CCDC148: variants seen among roughly 807,000 people sequenced by gnomAD.
CCDC148 encodes the protein coiled-coil domain-containing protein 148.
CCDC148 carries 89 observed loss-of-function variants against 85.7 expected under a neutral mutation model. The ratio of observed to expected loss-of-function variants is 1.04; its 90% CI spans 0.87 to 1.24. CCDC148 has a LOEUF of 1.24. CCDC148 is among the 50% of genes most tolerant of loss of function. The pLI, the probability that CCDC148 is intolerant of heterozygous loss-of-function variation, is 0.00. For synonymous variants in CCDC148, 230 were observed against 213.9 expected, an observed-to-expected ratio of 1.08 and a Z score of -0.66; for missense variants, 692 against 671.7, an observed-to-expected ratio of 1.03 and a Z score of -0.33.
At chr2:158,278,701 CACAG>C (rs1690094234) in intron 9 of CCDC148, among the ~76,000 whole-genome samples, 1 of 152,258 alleles carries the variant, frequency 6.6e-6, no homozygotes, top group Non-Finnish European at 1.5e-5. Flanking sequence ...GGGGGCAGGG[CACAG>C]ACAAACAAAA....
intron 10 of CCDC148, among the ~76,000 whole-genome samples, chr2:158,223,356 A>C (rs182232931): frequency 1.8e-4 from 27 of 152,318 alleles, no homozygotes; most frequent in Admixed American, 3.9e-4. Flanking sequence ...CAGCTCAAGG[A>C]GGCCTGTCTG....
intron 11 of CCDC148, among the ~76,000 whole-genome samples, chr2:158,189,637 C>T (rs1053053009): frequency 2.7e-4 from 41 of 152,028 alleles, no homozygotes; most frequent in African/African-American, 9.6e-4. Context: ...GTGCTTATTG[C>T]TCAGTTATCT....
chr2:158,371,750 C>A (rs1269266793), intron 1 of CCDC148, among the ~76,000 whole-genome samples: 1 of 151,428 alleles, frequency 6.6e-6, no homozygotes, highest in African/African-American at 2.4e-5. Flanking sequence ...TCAACCACTA[C>A]AAGAATCAAA....
chr2:158,446,013 A>C (rs1688142048), intron 1 of CCDC148, among the ~76,000 whole-genome samples: 1 of 152,208 alleles, frequency 6.6e-6, no homozygotes, highest in African/African-American at 2.4e-5. Context: ...ATATGGAAGA[A>C]GTACAAAATA....
chr2:158,228,606 C>A (rs549740228), intron 10 of CCDC148, among the ~76,000 whole-genome samples: 20 of 152,244 alleles, frequency 1.3e-4, no homozygotes, highest in Non-Finnish European at 2.8e-4. Context: ...GGCACATATA[C>A]ACCATGGAAT....
At chr2:158,224,180 C>T (rs575834580) in intron 10 of CCDC148, among the ~76,000 whole-genome samples, 10 of 152,162 alleles carry the variant, frequency 6.6e-5, no homozygotes, top group African/African-American at 1.9e-4. Flanking sequence ...ATGCACAAGC[C>T]TCAGTAGCCG....
intron 3 of CCDC148, among the ~76,000 whole-genome samples, chr2:158,340,968 C>T (rs1574652585): frequency 6.6e-6 from 1 of 152,130 alleles, no homozygotes; most frequent in South Asian, 2.1e-4. Context: ...GCTGACCTCA[C>T]TTCCTCAGAT....
chr2:158,319,852 A>G (rs890534884), intron 7 of CCDC148, among the ~76,000 whole-genome samples: 19 of 152,158 alleles, frequency 1.2e-4, no homozygotes, highest in African/African-American at 3.9e-4. Context: ...TGGGCAGACC[A>G]ATGATGTTCA....
At chr2:158,417,421 C>T (rs868778941) in intron 1 of CCDC148, among the ~76,000 whole-genome samples, 2 of 152,228 alleles carry the variant, frequency 1.3e-5, no homozygotes, top group African/African-American at 4.8e-5. Context: ...CTGCTCATAG[C>T]ACTTGCCCTA....
chr2:158,378,379 A>G (rs1450604957), intron 1 of CCDC148, among the ~76,000 whole-genome samples: 1 of 152,136 alleles, frequency 6.6e-6, no homozygotes, highest in Non-Finnish European at 1.5e-5. Context: ...GTTGGCTCAT[A>G]AGGTTTAAGG....
intron 11 of CCDC148, among the ~76,000 whole-genome samples, chr2:158,193,101 C>A (rs545354681): frequency 6.6e-6 from 1 of 152,062 alleles, no homozygotes; most frequent in African/African-American, 2.4e-5. Context: ...TTTGAATATA[C>A]ATCTTTCTGA....
At chr2:158,417,493 A>C (rs190119473) in intron 1 of CCDC148, among the ~76,000 whole-genome samples, 184 of 152,290 alleles carry the variant, frequency 1.2e-3, no homozygotes, top group African/African-American at 4.2e-3. Context: ...CTTTCTGCCC[A>C]ATATAGGATG....
chr2:158,237,361 C>T (rs528901475), intron 10 of CCDC148, among the ~76,000 whole-genome samples: 1 of 152,196 alleles, frequency 6.6e-6, no homozygotes, highest in East Asian at 1.9e-4. Flanking sequence ...AATGATCGGT[C>T]TGCCTACTGT....
chr2:158,259,706 C>G (rs1689144785), intron 9 of CCDC148, among the ~76,000 whole-genome samples: 1 of 151,860 alleles, frequency 6.6e-6, no homozygotes, highest in Non-Finnish European at 1.5e-5. Flanking sequence ...CCACCTTGTC[C>G]AAAAGGAAGA....
intron 2 of CCDC148, among the ~76,000 whole-genome samples, chr2:158,350,300 A>AT (rs1683196858): frequency 6.6e-6 from 1 of 152,316 alleles, no homozygotes; most frequent in East Asian, 1.9e-4. Context: ...TAAAATACTG[A>AT]TTTTAACACT....
At chr2:158,432,876 C>G (rs950283080) in intron 1 of CCDC148, among the ~76,000 whole-genome samples, 1 of 151,470 alleles carries the variant, frequency 6.6e-6, no homozygotes, top group Non-Finnish European at 1.5e-5. Flanking sequence ...GAGTTCGACA[C>G]CAGCCTGGCC....
At chr2:158,425,465 A>G (rs1687031849) in intron 1 of CCDC148, among the ~76,000 whole-genome samples, 1 of 151,938 alleles carries the variant, frequency 6.6e-6, no homozygotes, top group South Asian at 2.1e-4. Flanking sequence ...CTGCCAATTC[A>G]TGTTCTTTGT....
chr2:158,285,083 T>G (rs1230000818), intron 9 of CCDC148, among the ~76,000 whole-genome samples: 1 of 150,570 alleles, frequency 6.6e-6, no homozygotes, highest in African/African-American at 2.4e-5. Context: ...AGGTCAGGAG[T>G]TCAAGATCAG....
At chr2:158,412,089 T>C (rs1686286049) in intron 1 of CCDC148, among the ~76,000 whole-genome samples, 1 of 152,148 alleles carries the variant, frequency 6.6e-6, no homozygotes, top group South Asian at 2.1e-4. Context: ...GATCCTTGGC[T>C]GAAAAGGTGA....
Sources: allele counts gnomAD v4.1 joint callset (sites outside exome capture counted in the v4.1 genomes callset), GRCh38; gene constraint gnomAD v4.1.1; transcripts MANE v1.5; gene names NCBI Gene and HGNC (gene_info 2026-07-23, HGNC 2026-07-21).